NEO1: variants seen among roughly 807,000 people sequenced by gnomAD.
NEO1 encodes the protein neogenin 1, also known as neogenin.
A neutral mutation model predicts 159.7 loss-of-function variants in NEO1; 63 were observed. The observed-to-expected ratio is 0.39, with a 90% CI of 0.32 to 0.49. NEO1 has a LOEUF of 0.49. Ranked by LOEUF, NEO1 falls within the 20% of genes least tolerant of loss-of-function variation. NEO1 has a pLI of 0.85. For missense variants in NEO1, 1,615 were observed against 1,831.0 expected, an observed-to-expected ratio of 0.88 and a Z score of 2.15; for synonymous variants, 633 against 662.0, an observed-to-expected ratio of 0.96 and a Z score of 0.67.
intron 5 of NEO1, among the ~76,000 whole-genome samples, chr15:73,149,966 A>T (rs1358430133): frequency 6.6e-6 from 1 of 152,124 alleles, no homozygotes; most frequent in African/African-American, 2.4e-5. Flanking sequence ...TCTTCTATCA[A>T]CTGTAGGTTT....
At chr15:73,053,225 G>T (rs2067545249) in intron 1 of NEO1, among the ~76,000 whole-genome samples, 3 of 152,178 alleles carry the variant, frequency 2.0e-5, no homozygotes, top group Admixed American at 1.3e-4. Flanking sequence ...AGGGGAGGGG[G>T]CTTGAGCTCC....
chr15:73,097,031 G>A (rs532399287), intron 1 of NEO1, among the ~76,000 whole-genome samples: 94 of 152,146 alleles, frequency 6.2e-4, no homozygotes, highest in African/African-American at 2.0e-3. Context: ...AGATTGAGGC[G>A]GAAGGATCAA....
intron 7 of NEO1, among the ~76,000 whole-genome samples, chr15:73,183,271 C>G (rs2035724619): frequency 6.6e-6 from 1 of 152,036 alleles, no homozygotes; most frequent in Non-Finnish European, 1.5e-5. Flanking sequence ...TTTACTCAGA[C>G]CCTTCTCCTT....
intron 7 of NEO1, among the ~76,000 whole-genome samples, chr15:73,191,729 G>T (rs1208405569): frequency 3.3e-5 from 5 of 151,940 alleles, no homozygotes. Context: ...AGATTGTAAG[G>T]CATCTGTAAT....
chr15:73,251,129 A>G (rs990759839), intron 11 of NEO1, among the ~76,000 whole-genome samples: 1 of 152,354 alleles, frequency 6.6e-6, no homozygotes, highest in African/African-American at 2.4e-5. Context: ...TTGTTGCAGA[A>G]TATTAGTAAT....
At chr15:73,123,599 TC>T (rs1266350939) in intron 3 of NEO1, among the ~76,000 whole-genome samples, 1 of 152,184 alleles carries the variant, frequency 6.6e-6, no homozygotes, top group Non-Finnish European at 1.5e-5. Flanking sequence ...TCTTCTCAGT[TC>T]CTGCCCCTTC....
At position 73,253,412 on chromosome 15, in the gene NEO1, C is replaced by A; in HGVS notation, c.1907C>A (p.Ala636Asp). 1 of 1,582,124 alleles carries A rather than the reference C, an allele frequency of 6.3e-7. No homozygotes were observed. The highest frequency in any genetic ancestry group is 8.6e-7 in the Non-Finnish European group (1 of 1,165,456). ...TTTGTTTCTCTAGTTCCCAGTGCTG[C>A]TCCTCAGAATCTGTCCTTGGAAGTG... ...VRTLSDVPSA[A>D]PQNLSLEVRN... is the part of the protein sequence containing the mutation. The change falls in exon 12 of 29, where the codon GCT becomes GAT. Residue 636 changes from alanine to aspartate, a missense_variant. Coordinates refer to ENST00000261908, the MANE Select transcript of NEO1 (RefSeq NM_002499.4).
intron 1 of NEO1, 122 bp from the exon 2 acceptor site, chr15:73,116,418 T>C: frequency 7.0e-6 from 5 of 713,706 alleles, no homozygotes; most frequent in Non-Finnish European, 8.2e-6. Flanking sequence ...GAGATGACTA[T>C]ATTTATGTGT....
intron 7 of NEO1, among the ~76,000 whole-genome samples, chr15:73,185,999 C>CATG (rs1232986652): frequency 6.6e-6 from 1 of 151,634 alleles, no homozygotes; most frequent in Non-Finnish European, 1.5e-5. Context: ...AACTAAATAC[C>CATG]ATGATGATGA....
At chr15:73,120,631 C>CT (rs11462324) in intron 2 of NEO1, among the ~76,000 whole-genome samples, 26,881 of 143,554 alleles carry the variant, frequency 0.19, 2,482 homozygotes, top group South Asian at 0.27. Context: ...ATTTTAAGTA[C>CT]TTTTTTTTTT....
intron 7 of NEO1, among the ~76,000 whole-genome samples, chr15:73,220,818 T>C (rs1007782455): frequency 2.6e-5 from 4 of 152,186 alleles, no homozygotes; most frequent in African/African-American, 7.2e-5. Context: ...ATTATAGTTA[T>C]ACATTCGTCT....
chr15:73,209,290 G>T (rs1416946992), intron 7 of NEO1, among the ~76,000 whole-genome samples: 1 of 152,180 alleles, frequency 6.6e-6, no homozygotes, highest in Non-Finnish European at 1.5e-5. Flanking sequence ...GTATTTTTCA[G>T]TGGCTCCTTT....
chr15:73,086,040 C>T (rs1379582451), intron 1 of NEO1, among the ~76,000 whole-genome samples: 1 of 152,116 alleles, frequency 6.6e-6, no homozygotes, highest in Non-Finnish European at 1.5e-5. Flanking sequence ...AAAGACTTTT[C>T]TCCTTTATTT....
rs753218725 is a variant in NEO1 at position 73,266,397 on chromosome 15, C to T, written c.2480C>T (p.Thr827Ile). 1 of 1,612,336 alleles carries T rather than the reference C, an allele frequency of 6.2e-7. No homozygotes were observed. The highest frequency in any genetic ancestry group is 8.5e-7 in the Non-Finnish European group (1 of 1,178,884). ...EGIPLYESAV[T>I]RPHTDTSEVD... ...ATCCCCCTGTATGAGAGTGCTGTGA[C>T]CAGGCCTCACACAGGTAAGGTATCC... Residue 827 changes from threonine to isoleucine, a missense_variant, in exon 16 of 29, where the codon ACC (threonine) becomes ATC (isoleucine). Thr to Ile is a moderately conservative substitution (Grantham distance 89). Around this residue, in one of 3 missense-constraint regions of NEO1, gnomAD observed 1,018 missense variants for 1,115.4 expected, o/e 0.91. Transcript: ENST00000261908.
chr15:73,169,995 C>T (rs998854786), intron 5 of NEO1, among the ~76,000 whole-genome samples: 15 of 151,920 alleles, frequency 9.9e-5, no homozygotes, highest in Admixed American at 9.8e-4. Context: ...TTGAATGTAC[C>T]TTGTCTTTAT....
chr15:73,078,685 G>A (rs539245429), intron 1 of NEO1, among the ~76,000 whole-genome samples: 48 of 152,322 alleles, frequency 3.2e-4, no homozygotes, highest in Middle Eastern at 3.4e-3. Flanking sequence ...GATACAGTTA[G>A]CTGTATTTTC....
chr15:73,101,462 T>C (rs1163567015), intron 1 of NEO1, among the ~76,000 whole-genome samples: 1 of 152,206 alleles, frequency 6.6e-6, no homozygotes, highest in Non-Finnish European at 1.5e-5. Flanking sequence ...CTCTTTTCTG[T>C]TTGTACTCTG....
At chr15:73,113,498 G>T (rs2071120214) in intron 1 of NEO1, among the ~76,000 whole-genome samples, 1 of 152,136 alleles carries the variant, frequency 6.6e-6, no homozygotes, top group African/African-American at 2.4e-5. Context: ...AGAACTCCCA[G>T]GGTCATTTCA....
chr15:73,161,199 T>C (rs1383036782), intron 5 of NEO1, among the ~76,000 whole-genome samples: 1 of 152,182 alleles, frequency 6.6e-6, no homozygotes, highest in Non-Finnish European at 1.5e-5. Flanking sequence ...TTTTTAAAAA[T>C]CTCATGTCTT....
Sources: allele counts gnomAD v4.1 joint callset (sites outside exome capture counted in the v4.1 genomes callset), GRCh38; gene constraint gnomAD v4.1.1; regional missense constraint gnomAD v4.1.1; transcripts MANE v1.5; gene names NCBI Gene and HGNC (gene_info 2026-07-23, HGNC 2026-07-21).